HS6ST2: variants seen among roughly 807,000 people sequenced by gnomAD.
HS6ST2 encodes heparan sulfate 6-O-sulfotransferase 2, also known as heparan-sulfate 6-O-sulfotransferase 2.
A neutral mutation model predicts 33.0 loss-of-function variants in HS6ST2; 17 were observed. That is an observed-to-expected ratio of 0.52 (90% CI 0.35 to 0.77). The LOEUF (loss-of-function observed/expected upper bound fraction) is 0.77, where lower values mean the gene tolerates loss of function less well. HS6ST2 is among the 30% of genes least tolerant of loss of function. The pLI is 0.01. For missense variants in HS6ST2, 519 were observed against 551.7 expected, an observed-to-expected ratio of 0.94 and a Z score of 0.59; for synonymous variants, 248 against 237.1, an observed-to-expected ratio of 1.05 and a Z score of -0.42.
chrX:132,773,209 T>G (rs1455140321), intron 2 of HS6ST2, among the ~76,000 whole-genome samples: 6 of 102,126 alleles, frequency 5.9e-5, no homozygotes, highest in African/African-American at 2.1e-4. Context: ...TAATATATAA[T>G]AAATATGTAT....
At chrX:132,941,622 C>A (rs2066887866) in intron 2 of HS6ST2, among the ~76,000 whole-genome samples, 1 of 112,002 alleles carries the variant, frequency 8.9e-6, no homozygotes, top group Non-Finnish European at 1.9e-5. Context: ...ATTAAGTCAC[C>A]AATCGTTGTC....
At chrX:132,696,300 C>T (rs1374753211) in intron 3 of HS6ST2, among the ~76,000 whole-genome samples, 1 of 111,716 alleles carries the variant, frequency 9.0e-6, no homozygotes, top group Non-Finnish European at 1.9e-5. Context: ...TACCTACCCA[C>T]CTGCCTGCCT....
At chrX:132,931,776 A>T (rs2066770091) in intron 2 of HS6ST2, among the ~76,000 whole-genome samples, 1 of 111,910 alleles carries the variant, frequency 8.9e-6, no homozygotes, top group Non-Finnish European at 1.9e-5. Flanking sequence ...ATTTAAGAGG[A>T]TGTGTAACAG....
Position 132,754,667 on chromosome X carries a change from C to T in HS6ST2, c.948-46173G>A, listed in dbSNP as rs544950387. On this transcript the variant is annotated intron_variant, in intron 2 of 4. Transcript: ENST00000370833. ...CTCTGACCTCATGATCTGCCCACCTCGGCCTCCCAAAGTGCTGGGATTACA... is the reference window on the plus strand; with the variant it reads ...CTCTGACCTCATGATCTGCCCACCTTGGCCTCCCAAAGTGCTGGGATTACA... Among the ~76,000 whole-genome samples the T allele has an allele frequency of 5.5e-5, 6 of 109,442 alleles. No individual in the cohort carries two copies. The South Asian group carries it at 2.0e-3, about 37-fold the overall frequency.
At chrX:132,849,845 T>A (rs183751993) in intron 2 of HS6ST2, among the ~76,000 whole-genome samples, 20 of 112,131 alleles carry the variant, frequency 1.8e-4, no homozygotes, top group Non-Finnish European at 3.4e-4. Context: ...AAACTAATCA[T>A]CTTCCCACTT....
intron 2 of HS6ST2, among the ~76,000 whole-genome samples, chrX:132,868,992 G>C (rs1401504257): frequency 4.4e-5 from 3 of 67,904 alleles, no homozygotes; most frequent in Admixed American, 1.3e-4. Flanking sequence ...GAATCCAGGA[G>C]GTATTTTTTT....
chrX:132,754,237 T>C (rs1248215211), intron 2 of HS6ST2, among the ~76,000 whole-genome samples: 1 of 110,406 alleles, frequency 9.1e-6, no homozygotes, highest in Non-Finnish European at 1.9e-5. Context: ...TAGGCTGTGG[T>C]TATGGATTAT....
chrX:132,712,782 T>G (rs1044409301), intron 2 of HS6ST2, among the ~76,000 whole-genome samples: 11 of 111,148 alleles, frequency 9.9e-5, no homozygotes, highest in Non-Finnish European at 1.7e-4. Flanking sequence ...TCCCAGCACT[T>G]TGGGAGGCGG....
rs916088563 is a variant in HS6ST2, at chrX:132,794,574, G to GATGATTATTATTATTATT, written c.948-86081_948-86080insAATAATAATAATAATCAT. Among the ~76,000 whole-genome samples the GATGATTATTATTATTATT allele has an allele frequency of 1.7e-3, 165 of 99,061 alleles. 1 individual carries two copies. The highest frequency in any genetic ancestry group is 4.5e-3 in the East Asian group (14 of 3,099). 86.0% of individuals were successfully genotyped at this position (99,061 alleles called of 115,157 possible). A position where few individuals can be genotyped will look rare whatever the true frequency, so the allele number is the denominator to read the frequency against. On this transcript the variant is annotated intron_variant, in intron 2 of 4. Coordinates refer to ENST00000370833, the MANE Select transcript of HS6ST2 (RefSeq NM_001394073.1). ...ACTCCTGGATGATGATGATGATGAT[G>GATGATTATTATTATTATT]ATTATTATTATTATTATTATTATTA...
intron 4 of HS6ST2, among the ~76,000 whole-genome samples, chrX:132,639,775 A>G (rs1458519027): frequency 9.0e-6 from 1 of 111,714 alleles, no homozygotes; most frequent in Non-Finnish European, 1.9e-5. Flanking sequence ...CATAAGCTCC[A>G]TGCCACAGTG....
At chrX:132,708,299 T>TA (rs36028236) in intron 3 of HS6ST2, among the ~76,000 whole-genome samples, 163 bp downstream of exon 3, 2,048 of 21,287 alleles carry the variant, frequency 0.096, 260 homozygotes, top group East Asian at 0.17. Context: ...TGTTTTAAAC[T>TA]AAAAAAAAAA....
chrX:132,786,597 C>G (rs1031231515), intron 2 of HS6ST2, among the ~76,000 whole-genome samples: 2 of 105,927 alleles, frequency 1.9e-5, no homozygotes, highest in Non-Finnish European at 3.9e-5. Context: ...TCTTCTTTCT[C>G]TTTGCTTCCT....
chrX:132,952,957 T>C (rs929891949), intron 2 of HS6ST2, among the ~76,000 whole-genome samples: 11 of 111,723 alleles, frequency 9.8e-5, no homozygotes, highest in Non-Finnish European at 7.5e-5. Flanking sequence ...GGGTACAACA[T>C]GAATATGATC....
chrX:132,733,446 C>G (rs766985170), intron 2 of HS6ST2, among the ~76,000 whole-genome samples: 4 of 110,026 alleles, frequency 3.6e-5, no homozygotes, highest in Non-Finnish European at 7.6e-5. Context: ...AGACTAGCTA[C>G]GGGTCTCTTT....
chrX:132,631,498 C>A (rs757341330), intron 4 of HS6ST2, among the ~76,000 whole-genome samples: 27 of 110,779 alleles, frequency 2.4e-4, no homozygotes, highest in African/African-American at 8.9e-4. Context: ...GCCCTGGGTT[C>A]CCTCCTTCCA....
At chrX:132,955,070 C>A (rs2067054431) in intron 2 of HS6ST2, among the ~76,000 whole-genome samples, 1 of 112,462 alleles carries the variant, frequency 8.9e-6, no homozygotes, top group African/African-American at 3.2e-5. Flanking sequence ...GTTTTCACTT[C>A]TCTGCTATAG....
intron 4 of HS6ST2, among the ~76,000 whole-genome samples, chrX:132,645,114 G>A (rs1279328069): frequency 1.8e-5 from 2 of 111,659 alleles, no homozygotes; most frequent in Non-Finnish European, 3.8e-5. Flanking sequence ...TCTGGGCTTA[G>A]TCTGTTCAAA....
At chrX:132,881,816 G>A (rs1217351294) in intron 2 of HS6ST2, among the ~76,000 whole-genome samples, 1 of 111,755 alleles carries the variant, frequency 8.9e-6, no homozygotes, top group Non-Finnish European at 1.9e-5. Context: ...GTGTAAGGAA[G>A]GGATCCAGTT....
chrX:132,664,992 T>C (rs1184925692), intron 4 of HS6ST2, among the ~76,000 whole-genome samples: 1 of 111,983 alleles, frequency 8.9e-6, no homozygotes, highest in Non-Finnish European at 1.9e-5. Context: ...ATTGCTTCAT[T>C]GATGGAGTAG....
Sources: gnomAD v4.1 joint callset for allele counts (sites outside exome capture counted in the v4.1 genomes callset) on GRCh38, gnomAD v4.1.1 for gene constraint, MANE v1.5 for transcripts, NCBI Gene and HGNC (gene_info 2026-07-23, HGNC 2026-07-21) for gene names.